The following PRKCB variants were observed in gnomAD, a reference collection of about 807,000 sequenced individuals.
The protein encoded by PRKCB is protein kinase C beta type.
A neutral mutation model predicts 81.5 loss-of-function variants in PRKCB; 13 were observed. The observed-to-expected ratio is 0.16, with a 90% CI of 0.10 to 0.25. PRKCB has a LOEUF of 0.25. Among genes scored for constraint, PRKCB ranks in the 10% least tolerant of loss-of-function variants. PRKCB has a pLI of 1.00. For missense variants in PRKCB, 509 were observed against 875.7 expected, an observed-to-expected ratio of 0.58 and a Z score of 5.29; for synonymous variants, 335 against 321.4, an observed-to-expected ratio of 1.04 and a Z score of -0.45.
intron 2 of PRKCB, among the ~76,000 whole-genome samples, chr16:23,843,714 A>G (rs1962308107): frequency 6.6e-6 from 1 of 150,984 alleles, no homozygotes; most frequent in South Asian, 2.1e-4. Context: ...TAAAAAATAT[A>G]TTATTTCCAA....
chr16:23,925,270 A>G (rs893846363), intron 2 of PRKCB, among the ~76,000 whole-genome samples: 2 of 152,056 alleles, frequency 1.3e-5, no homozygotes, highest in African/African-American at 4.8e-5. Flanking sequence ...GTGCCCTACA[A>G]TGGGGTCCCC....
At chr16:23,989,763 C>A (rs1011981008) in intron 3 of PRKCB, among the ~76,000 whole-genome samples, 12 of 152,228 alleles carry the variant, frequency 7.9e-5, no homozygotes, top group African/African-American at 1.9e-4. Flanking sequence ...TACCCAGCAG[C>A]CATTCACAGC....
intron 3 of PRKCB, among the ~76,000 whole-genome samples, chr16:24,031,613 C>G (rs1965552124): frequency 6.6e-6 from 1 of 152,226 alleles, no homozygotes; most frequent in South Asian, 2.1e-4. Flanking sequence ...AACCAGCAGT[C>G]TCTGCCACAA....
At chr16:23,960,685 G>T (rs573037711) in intron 2 of PRKCB, among the ~76,000 whole-genome samples, 2 of 152,168 alleles carry the variant, frequency 1.3e-5, no homozygotes, top group Non-Finnish European at 2.9e-5. Flanking sequence ...ATGTCCATGT[G>T]TTCTCATTAT....
At chr16:23,961,727 A>T (rs1356692136) in intron 2 of PRKCB, among the ~76,000 whole-genome samples, 5 of 151,972 alleles carry the variant, frequency 3.3e-5, no homozygotes, top group Admixed American at 3.3e-4. Flanking sequence ...ATTTTGAACT[A>T]TTTGCATTTT....
At chr16:23,991,612 T>C (rs1001434779) in intron 3 of PRKCB, among the ~76,000 whole-genome samples, 1 of 152,178 alleles carries the variant, frequency 6.6e-6, no homozygotes, top group Non-Finnish European at 1.5e-5. Context: ...TTTGGGTCCT[T>C]GAAATAGAAA....
intron 2 of PRKCB, among the ~76,000 whole-genome samples, chr16:23,907,919 A>C (rs1963586941): frequency 6.6e-6 from 1 of 152,180 alleles, no homozygotes. Context: ...GAGGTGGCAG[A>C]TGTTTTGTGA....
chr16:24,093,921 G>T (rs1966407678), intron 6 of PRKCB, among the ~76,000 whole-genome samples: 1 of 152,222 alleles, frequency 6.6e-6, no homozygotes, highest in Non-Finnish European at 1.5e-5. Context: ...GATAACAAAA[G>T]TAGTTAGAAC....
intron 5 of PRKCB, among the ~76,000 whole-genome samples, chr16:24,084,294 A>G (rs1966287333): frequency 6.6e-6 from 1 of 152,150 alleles, no homozygotes; most frequent in African/African-American, 2.4e-5. Flanking sequence ...GTTCAAGACA[A>G]ATATATAATA....
At chr16:23,837,107 A>G (rs1427954469) in intron 1 of PRKCB, 2 of 541,866 alleles carry the variant, frequency 3.7e-6, no homozygotes, top group African/African-American at 2.0e-5. Flanking sequence ...GCCTGCCTTC[A>G]GCCCCTACCC....
intron 2 of PRKCB, among the ~76,000 whole-genome samples, chr16:23,891,711 C>T (rs1597231346): frequency 6.6e-6 from 1 of 152,276 alleles, no homozygotes; most frequent in East Asian, 1.9e-4. Context: ...CATATCAGCT[C>T]TACATCCAAT....
chr16:24,047,811 G>T (rs1965787696), intron 5 of PRKCB, among the ~76,000 whole-genome samples: 1 of 152,194 alleles, frequency 6.6e-6, no homozygotes, highest in Non-Finnish European at 1.5e-5. Context: ...TTAGCCTTAA[G>T]GTCTTGGAGA....
chr16:23,892,365 C>G lies in PRKCB; in HGVS notation c.205+54959C>G, dbSNP rs1036618198. Among the ~76,000 whole-genome samples the G allele has an allele frequency of 3.3e-5, 5 of 152,174 alleles. No homozygotes were observed. The South Asian group carries it at 1.0e-3, about 32-fold the overall frequency. On this transcript the variant is annotated intron_variant, in intron 2 of 16. Coordinates refer to ENST00000643927, the MANE Select transcript of PRKCB (RefSeq NM_002738.7). Reference sequence around the variant, plus strand: ...TCTCCATTGCTTCAGGATGCAGTATCAGCTGATTTGGTGGATTAAATCGTT... The same window carrying G: ...TCTCCATTGCTTCAGGATGCAGTATGAGCTGATTTGGTGGATTAAATCGTT...
At chr16:23,909,862 T>A (rs1206551735) in intron 2 of PRKCB, among the ~76,000 whole-genome samples, 1 of 152,182 alleles carries the variant, frequency 6.6e-6, no homozygotes, top group Non-Finnish European at 1.5e-5. Context: ...TCCCTTCTTA[T>A]AAGGGCCTTG....
At chr16:23,880,446 T>A (rs1002220499) in intron 2 of PRKCB, among the ~76,000 whole-genome samples, 1 of 152,004 alleles carries the variant, frequency 6.6e-6, no homozygotes, top group Admixed American at 6.6e-5. Context: ...AATCCCGGGA[T>A]GGGTTCTATT....
chr16:24,037,366 TA>T (rs1438540070), intron 5 of PRKCB, among the ~76,000 whole-genome samples: 2 of 152,174 alleles, frequency 1.3e-5, no homozygotes, highest in African/African-American at 4.8e-5. Context: ...CCATTTGCAA[TA>T]ATAATAAAAC....
intron 3 of PRKCB, among the ~76,000 whole-genome samples, chr16:24,010,188 C>T (rs569662002): frequency 1.3e-5 from 2 of 152,310 alleles, no homozygotes; most frequent in African/African-American, 4.8e-5. Flanking sequence ...TGTGTGACCA[C>T]AGGCATGTCC....
At chr16:24,212,461 CTTTTTTTTTTT>C (rs975667798) in intron 16 of PRKCB, among the ~76,000 whole-genome samples, 7 of 78,062 alleles carry the variant, frequency 9.0e-5, no homozygotes, top group South Asian at 4.5e-4. Context: ...CTTTTTTTTC[CTTTTTTTTTTT>C]TTTTTTTTTT....
intron 2 of PRKCB, among the ~76,000 whole-genome samples, chr16:23,961,371 A>G (rs1429100728): frequency 2.0e-5 from 3 of 152,226 alleles, no homozygotes; most frequent in African/African-American, 7.2e-5. Context: ...CAGGGAAGAT[A>G]TGATCAAGGT....
Sources: allele counts gnomAD v4.1 joint callset (sites outside exome capture counted in the v4.1 genomes callset), GRCh38; gene constraint gnomAD v4.1.1; transcripts MANE v1.5; gene names NCBI Gene and HGNC (gene_info 2026-07-23, HGNC 2026-07-21).